LRCH2: variants seen among roughly 807,000 people sequenced by gnomAD.
LRCH2 encodes leucine rich repeats and calponin homology domain containing 2, also known as leucine-rich repeat and calponin homology domain-containing protein 2.
A neutral mutation model predicts 68.9 loss-of-function variants in LRCH2; 38 were observed. The ratio of observed to expected loss-of-function variants is 0.55; its 90% confidence interval spans 0.43 to 0.72. The LOEUF (loss-of-function observed/expected upper bound fraction) is 0.72. Ranked by LOEUF, LRCH2 falls within the 30% of genes least tolerant of loss-of-function variation. LRCH2 has a pLI of 0.00. For synonymous variants in LRCH2, 191 were observed against 208.1 expected, an observed-to-expected ratio of 0.92 and a Z score of 0.71; for missense variants, 528 against 572.9, an observed-to-expected ratio of 0.92 and a Z score of 0.80.
At position 115,111,644 on chromosome X, in the gene LRCH2, A is replaced by G. The variant is rs782363763; in HGVS notation, c.*1572T>C. On this transcript the variant is annotated 3_prime_UTR_variant, in exon 21 of 21. Coordinates refer to ENST00000317135, the MANE Select transcript of LRCH2 (RefSeq NM_020871.4). ...AATTTAATTCTTAAACCATATACTC[A>G]TAGAAGCTTTAATTCTTTAAAAGCT... is the stretch of plus-strand genomic sequence containing the variant. The G allele has an allele frequency of 9.0e-6, 1 of 111,570 alleles. No homozygotes were observed. Among genetic ancestry groups the G allele is most frequent in the Non-Finnish European group, 1.9e-5 (1 of 52,944 alleles). 9.2% of individuals were successfully genotyped at this position (111,570 alleles called of 1,213,427 possible).
intron 1 of LRCH2, among the ~76,000 whole-genome samples, chrX:115,214,262 G>A (rs975176499): frequency 5.4e-5 from 6 of 112,088 alleles, no homozygotes; most frequent in African/African-American, 1.6e-4. Flanking sequence ...AAAGCAGCAA[G>A]AAAACAGAAG....
chrX:115,167,223 TAAC>T (rs1435814581), intron 6 of LRCH2, among the ~76,000 whole-genome samples: 2 of 34,572 alleles, frequency 5.8e-5, no homozygotes, highest in African/African-American at 1.1e-4. Context: ...AAAAAAACAA[TAAC>T]AACAACAAAA....
intron 14 of LRCH2, among the ~76,000 whole-genome samples, chrX:115,147,571 T>G (rs911637452): frequency 8.1e-5 from 9 of 111,652 alleles, no homozygotes; most frequent in South Asian, 3.8e-4. Context: ...TTTGATCTCT[T>G]TTAATAACTT....
At chrX:115,160,938 A>T (rs1603048839) in intron 11 of LRCH2, among the ~76,000 whole-genome samples, 1 of 112,652 alleles carries the variant, frequency 8.9e-6, no homozygotes, top group African/African-American at 3.2e-5. Flanking sequence ...AAGAAAGATT[A>T]TTTAATAGAA....
chrX:115,198,906 A>G (rs1206630613), intron 1 of LRCH2, among the ~76,000 whole-genome samples: 1 of 112,202 alleles, frequency 8.9e-6, no homozygotes, highest in African/African-American at 3.2e-5. Flanking sequence ...AAGCCAGAAG[A>G]GAAGGGAATG....
intron 12 of LRCH2, among the ~76,000 whole-genome samples, chrX:115,155,283 G>A (rs2072466290): frequency 9.2e-6 from 1 of 109,169 alleles, no homozygotes; most frequent in Non-Finnish European, 1.9e-5. Context: ...TGGGGAAGGG[G>A]TGGGGTGTGC....
At chrX:115,205,731 A>T (rs2072961558) in intron 1 of LRCH2, among the ~76,000 whole-genome samples, 1 of 111,320 alleles carries the variant, frequency 9.0e-6, no homozygotes, top group Non-Finnish European at 1.9e-5. Context: ...AAGGTCAAGA[A>T]ATCGAGACCA....
intron 1 of LRCH2, among the ~76,000 whole-genome samples, chrX:115,211,421 C>T (rs1473460298): frequency 9.0e-6 from 1 of 111,597 alleles, no homozygotes; most frequent in African/African-American, 3.3e-5. Context: ...GTGAAGCCTC[C>T]CCAGCCACGT....
At chrX:115,156,327 A>C (rs2072474625) in intron 12 of LRCH2, among the ~76,000 whole-genome samples, 1 of 111,824 alleles carries the variant, frequency 8.9e-6, no homozygotes, top group Non-Finnish European at 1.9e-5. Flanking sequence ...TATTCCTGGC[A>C]GGAATAGCAA....
intron 1 of LRCH2, among the ~76,000 whole-genome samples, chrX:115,209,935 G>C (rs2072994620): frequency 9.0e-6 from 1 of 111,572 alleles, no homozygotes; most frequent in Non-Finnish European, 1.9e-5. Context: ...CTTTGAACTT[G>C]AGAGAGATGA....
intron 1 of LRCH2, chrX:115,190,866 A>G (rs2072798760): frequency 3.5e-6 from 4 of 1,155,916 alleles, no homozygotes; most frequent in Non-Finnish European, 4.6e-6. Flanking sequence ...AGGAGTACCA[A>G]GGCCGCTCGC....
At chrX:115,175,817 T>TTG (rs1556550047) in intron 5 of LRCH2, among the ~76,000 whole-genome samples, 1 of 112,244 alleles carries the variant, frequency 8.9e-6, no homozygotes, top group African/African-American at 3.2e-5. Context: ...GGCTATTCAT[T>TTG]TGTATCCTTT....
chrX:115,118,266 G>A (rs951142028), intron 20 of LRCH2, among the ~76,000 whole-genome samples: 9 of 109,188 alleles, frequency 8.2e-5, no homozygotes, highest in African/African-American at 2.3e-4. Flanking sequence ...TTGATAAACC[G>A]CTAGCAAGAC....
At chrX:115,146,364 C>T (rs1391202295) in intron 14 of LRCH2, among the ~76,000 whole-genome samples, 4 of 110,532 alleles carry the variant, frequency 3.6e-5, no homozygotes, top group East Asian at 2.9e-4. Flanking sequence ...TATTTGATAG[C>T]GCAATGGGGT....
At chrX:115,204,609 T>C (rs183408887) in intron 1 of LRCH2, among the ~76,000 whole-genome samples, 276 of 112,063 alleles carry the variant, frequency 2.5e-3, no homozygotes, top group African/African-American at 8.2e-3. Flanking sequence ...CCCTAAATCA[T>C]GTCTCTTAAG....
chrX:115,190,060 G>A, intron 1 of LRCH2: 1 of 1,154,877 alleles, frequency 8.7e-7, no homozygotes, highest in Non-Finnish European at 1.2e-6. Flanking sequence ...CCACAAGAGG[G>A]CTGTGCCCCG....
At chrX:115,130,220 A>T in intron 14 of LRCH2, 21 bp from the exon 15 acceptor site, 1 of 891,235 alleles carries the variant, frequency 1.1e-6, no homozygotes, top group Non-Finnish European at 1.6e-6. Context: ...TTTAAAACAC[A>T]TAATTTATTT....
chrX:115,213,925 G>A (rs782504942), intron 1 of LRCH2, among the ~76,000 whole-genome samples: 1 of 111,937 alleles, frequency 8.9e-6, no homozygotes, highest in East Asian at 2.8e-4. Context: ...GAAATGAAGG[G>A]AAAATTGTCA....
intron 1 of LRCH2, among the ~76,000 whole-genome samples, chrX:115,199,962 G>A (rs2072918434): frequency 8.9e-6 from 1 of 111,941 alleles, no homozygotes; most frequent in African/African-American, 3.2e-5. Flanking sequence ...TAACACAGTG[G>A]AATAAATAGA....
Sources: gnomAD v4.1 joint callset for allele counts (sites outside exome capture counted in the v4.1 genomes callset) on GRCh38, gnomAD v4.1.1 for gene constraint, MANE v1.5 for transcripts, NCBI Gene and HGNC (gene_info 2026-07-23, HGNC 2026-07-21) for gene names.